The following EHBP1 variants were observed in gnomAD, a reference collection of about 807,000 sequenced individuals.
The protein encoded by EHBP1 is EH domain binding protein 1.
In EHBP1, 55 loss-of-function variants were observed where a neutral mutation model predicts 144.0. The ratio of observed to expected loss-of-function variants is 0.38; its 90% CI spans 0.31 to 0.48. The LOEUF is 0.48. EHBP1 is among the 20% of genes least tolerant of loss of function. EHBP1 has a pLI of 0.98. For synonymous variants in EHBP1, 469 were observed against 472.7 expected (o/e 0.99, Z 0.10); for missense variants, 1,200 against 1,364.2 (o/e 0.88, Z 1.90).
chr2:62,729,515 A>AT (rs1553380176), intron 2 of EHBP1, among the ~76,000 whole-genome samples: 12 of 34,034 alleles, frequency 3.5e-4, no homozygotes, highest in South Asian at 1.1e-3. Context: ...AATATAATAA[A>AT]ATAAATAAAT....
chr2:62,844,881 T>C (rs1419181323), intron 7 of EHBP1, among the ~76,000 whole-genome samples: 1 of 152,186 alleles, frequency 6.6e-6, no homozygotes, highest in Non-Finnish European at 1.5e-5. Flanking sequence ...GGCCAAGCAG[T>C]GTTAGATTGA....
chr2:62,896,061 G>C (rs1347279534), intron 10 of EHBP1, among the ~76,000 whole-genome samples: 2 of 152,124 alleles, frequency 1.3e-5, no homozygotes, highest in African/African-American at 4.8e-5. Flanking sequence ...AATAGACACA[G>C]TTTCTAACTT....
chr2:62,729,603 TAAATA>T (rs1468778068), intron 2 of EHBP1, among the ~76,000 whole-genome samples: 1 of 131,912 alleles, frequency 7.6e-6, no homozygotes. Flanking sequence ...TATATAATAA[TAAATA>T]TAATAATAAA....
At chr2:63,024,430 C>T (rs953713394) in intron 19 of EHBP1, among the ~76,000 whole-genome samples, 1 of 152,066 alleles carries the variant, frequency 6.6e-6, no homozygotes, top group Non-Finnish European at 1.5e-5. Context: ...CAGCAATACC[C>T]TGTCTCTACA....
At chr2:62,760,061 C>T (rs915093172) in intron 3 of EHBP1, among the ~76,000 whole-genome samples, 1 of 152,048 alleles carries the variant, frequency 6.6e-6, no homozygotes, top group Non-Finnish European at 1.5e-5. Flanking sequence ...CTGAAGATGG[C>T]CCTGTGGAAC....
chr2:62,681,400 A>G (rs1442733178), intron 1 of EHBP1, among the ~76,000 whole-genome samples: 4 of 141,116 alleles, frequency 2.8e-5, no homozygotes, highest in East Asian at 2.0e-4. Flanking sequence ...GTATATATGT[A>G]TATATATATA....
chr2:62,969,094 T>C (rs115478387), intron 14 of EHBP1, among the ~76,000 whole-genome samples: 2,035 of 23,978 alleles, frequency 0.085, 41 homozygotes, highest in African/African-American at 0.24. Context: ...AAAGGGTCCT[T>C]TTTTTGGAGG....
intron 10 of EHBP1, among the ~76,000 whole-genome samples, chr2:62,879,325 C>G (rs1194178773): frequency 1.3e-5 from 2 of 151,950 alleles, no homozygotes; most frequent in East Asian, 1.9e-4. Context: ...AGAAACAATC[C>G]AAATAGGAAG....
Position 62,743,117 on chromosome 2 carries a change from A to G in EHBP1, c.105-4278A>G, listed in dbSNP as rs531779514. Among the ~76,000 whole-genome samples, 384 of 152,250 alleles carry G rather than the reference A, an allele frequency of 2.5e-3. 4 individuals are homozygous for G. Among genetic ancestry groups the G allele is most frequent in the Middle Eastern group, 0.01 (3 of 294 alleles). ...ATCGTATAGAAATATTAAAATCTAT[A>G]TGAAATAAACTGACCATGATATCCT... On this transcript the variant is annotated intron_variant, in intron 2 of 22. Coordinates refer to ENST00000431489, the MANE Select transcript of EHBP1 (RefSeq NM_001142616.3).
intron 3 of EHBP1, among the ~76,000 whole-genome samples, chr2:62,752,070 G>C (rs2039787461): frequency 6.6e-6 from 1 of 151,862 alleles, no homozygotes; most frequent in Non-Finnish European, 1.5e-5. Flanking sequence ...TTTTAATTGT[G>C]ATGTTAGGGT....
intron 19 of EHBP1, among the ~76,000 whole-genome samples, chr2:63,020,408 CAGG>C (rs1257788418): frequency 6.8e-6 from 1 of 147,928 alleles, no homozygotes; most frequent in African/African-American, 2.5e-5. Flanking sequence ...GAGACTGAGT[CAGG>C]AGAATCGCTT....
intron 3 of EHBP1, among the ~76,000 whole-genome samples, chr2:62,754,769 G>A (rs2040109194): frequency 6.6e-6 from 1 of 152,248 alleles, no homozygotes. Flanking sequence ...GGCTCTGTGG[G>A]CGTGGGACCC....
intron 10 of EHBP1, among the ~76,000 whole-genome samples, chr2:62,885,940 T>G (rs961828101): frequency 2.0e-5 from 3 of 152,228 alleles, no homozygotes; most frequent in African/African-American, 7.2e-5. Context: ...TCTTCACTCA[T>G]ATTGTTGCTT....
At chr2:62,809,471 T>C (rs918719020) in intron 5 of EHBP1, among the ~76,000 whole-genome samples, 1 of 152,096 alleles carries the variant, frequency 6.6e-6, no homozygotes, top group African/African-American at 2.4e-5. Context: ...CGTGTGACCT[T>C]ATCCCCCTGG....
At chr2:62,685,090 A>G (rs1355517157) in intron 1 of EHBP1, among the ~76,000 whole-genome samples, 1 of 152,204 alleles carries the variant, frequency 6.6e-6, no homozygotes, top group African/African-American at 2.4e-5. Context: ...TTGATTTTTT[A>G]CAAGGTATAT....
intron 7 of EHBP1, among the ~76,000 whole-genome samples, chr2:62,842,932 T>A (rs886363581): frequency 6.6e-6 from 1 of 152,216 alleles, no homozygotes; most frequent in African/African-American, 2.4e-5. Flanking sequence ...AGTAGTTTTT[T>A]AAGGAAAATA....
intron 10 of EHBP1, among the ~76,000 whole-genome samples, chr2:62,876,410 C>A (rs1312532810): frequency 6.6e-6 from 1 of 152,188 alleles, no homozygotes; most frequent in East Asian, 1.9e-4. Context: ...AAATAAATTT[C>A]TTTTCAGAAA....
At chr2:62,827,366 T>A (rs942295464) in intron 6 of EHBP1, among the ~76,000 whole-genome samples, 7 of 152,086 alleles carry the variant, frequency 4.6e-5, no homozygotes, top group Admixed American at 2.0e-4. Flanking sequence ...ACCCTGAAGT[T>A]TAAGCCAAAA....
intron 7 of EHBP1, among the ~76,000 whole-genome samples, chr2:62,855,602 A>G (rs569430849): frequency 5.9e-5 from 9 of 152,204 alleles, no homozygotes; most frequent in Admixed American, 1.3e-4. Context: ...TCAGCATGCA[A>G]TTCCTCTTCT....
Sources: gnomAD v4.1 joint callset for allele counts (sites outside exome capture counted in the v4.1 genomes callset) on GRCh38, gnomAD v4.1.1 for gene constraint, MANE v1.5 for transcripts, NCBI Gene and HGNC (gene_info 2026-07-23, HGNC 2026-07-21) for gene names.